DLG1: variants seen among roughly 807,000 people sequenced by gnomAD.
DLG1 encodes the protein discs large MAGUK scaffold protein 1.
DLG1 carries 42 observed loss-of-function variants against 123.4 expected under a neutral mutation model. The ratio of observed to expected loss-of-function variants is 0.34; its 90% CI spans 0.27 to 0.44. The LOEUF (loss-of-function observed/expected upper bound fraction) is 0.44, where lower values mean the gene tolerates loss of function less well. DLG1 is among the 20% of genes least tolerant of loss of function. The pLI is 1.00. For missense variants in DLG1, 942 were observed against 1,082.6 expected, an observed-to-expected ratio of 0.87 and a Z score of 1.82; for synonymous variants, 317 against 356.2, an observed-to-expected ratio of 0.89 and a Z score of 1.24.
At chr3:197,199,552 C>T (rs1054379651) in intron 4 of DLG1, among the ~76,000 whole-genome samples, 15 of 152,046 alleles carry the variant, frequency 9.9e-5, no homozygotes, top group African/African-American at 1.9e-4. Context: ...AAATCCGAAA[C>T]GCTTCTGGTC....
At chr3:197,229,381 CCTTGAGCCACTG>C (rs1446421051) in intron 4 of DLG1, among the ~76,000 whole-genome samples, 1 of 150,604 alleles carries the variant, frequency 6.6e-6, no homozygotes, top group Non-Finnish European at 1.5e-5. Flanking sequence ...TCACTTGAGC[CCTTGAGCCACTG>C]CTTGAGCTAT....
chr3:197,060,546 C>A (rs1211524956), intron 22 of DLG1, among the ~76,000 whole-genome samples: 2 of 152,202 alleles, frequency 1.3e-5, no homozygotes, highest in African/African-American at 4.8e-5. Flanking sequence ...TAAGGGCAAA[C>A]CTTTTAAATA....
intron 15 of DLG1, among the ~76,000 whole-genome samples, chr3:197,088,477 T>G (rs1755730428): frequency 6.6e-6 from 1 of 152,146 alleles, no homozygotes; most frequent in South Asian, 2.1e-4. Flanking sequence ...CCTCAAAGGG[T>G]GCCTCCCACA....
At chr3:197,198,487 CAAAAA>C (rs5855568) in intron 4 of DLG1, among the ~76,000 whole-genome samples, 1 of 109,666 alleles carries the variant, frequency 9.1e-6, no homozygotes, top group Non-Finnish European at 1.8e-5. Flanking sequence ...ACTCAGTCTC[CAAAAA>C]AAAAAAAAAA....
intron 24 of DLG1, among the ~76,000 whole-genome samples, chr3:197,046,428 C>T (rs148544387): frequency 5.3e-5 from 8 of 152,306 alleles, no homozygotes; most frequent in Admixed American, 1.3e-4. Context: ...TCATAAGTAA[C>T]GGCACAAGTA....
chr3:197,121,513 T>C (rs1236024571), intron 11 of DLG1, among the ~76,000 whole-genome samples: 1 of 152,058 alleles, frequency 6.6e-6, no homozygotes, highest in Admixed American at 6.5e-5. Flanking sequence ...ATATATACTG[T>C]AAAAAACAGG....
At chr3:197,215,988 C>T (rs1561500530) in intron 4 of DLG1, among the ~76,000 whole-genome samples, 1 of 152,062 alleles carries the variant, frequency 6.6e-6, no homozygotes, top group Non-Finnish European at 1.5e-5. Flanking sequence ...TGCAAATGAC[C>T]AAGAAACCAT....
At chr3:197,114,987 GAAAAAAAAAAAAAA>G (rs375841391) in intron 13 of DLG1, among the ~76,000 whole-genome samples, 3 of 86,076 alleles carry the variant, frequency 3.5e-5, no homozygotes, top group Admixed American at 3.0e-4. Flanking sequence ...CCATCTCAAG[GAAAAAAAAAAAAAA>G]AAAAAAAAAG....
chr3:197,116,839 T>C (rs1307106032), intron 12 of DLG1, among the ~76,000 whole-genome samples: 1 of 152,172 alleles, frequency 6.6e-6, no homozygotes, highest in African/African-American at 2.4e-5. Context: ...TCTTCAGGCT[T>C]TTTATATGAA....
chr3:197,217,630 C>T (rs1734781984), intron 4 of DLG1, among the ~76,000 whole-genome samples: 1 of 152,062 alleles, frequency 6.6e-6, no homozygotes, highest in Non-Finnish European at 1.5e-5. Context: ...CTGATACAGG[C>T]AAGGACACAG....
chr3:197,293,790 A>C (rs1776073006), intron 3 of DLG1: 1 of 153,886 alleles, frequency 6.5e-6, no homozygotes. Context: ...CAAATTAAGG[A>C]AGTGAAAAAT....
chr3:197,093,278 C>A (rs1241369571), intron 14 of DLG1, among the ~76,000 whole-genome samples: 1 of 152,124 alleles, frequency 6.6e-6, no homozygotes, highest in African/African-American at 2.4e-5. Flanking sequence ...CCTGCTTCAG[C>A]CTCCCAAGGA....
At position 197,238,124 on chromosome 3, in the gene DLG1, A is replaced by C. The variant is rs1746967455; in HGVS notation, c.319-43535T>G. 2.6e-5 allele frequency among the ~76,000 whole-genome samples: 4 copies of C among 152,182 alleles called. No homozygotes were observed. The South Asian group carries it at 8.3e-4, about 32-fold the overall frequency. Reference sequence around the variant, plus strand: ...GAGAAACCTGACTTTTACCTCCACTAAGCAGTAAGGAAGCAGTGCCCCACC... The same window carrying C: ...GAGAAACCTGACTTTTACCTCCACTCAGCAGTAAGGAAGCAGTGCCCCACC... On this transcript the variant is annotated intron_variant, in intron 4 of 24. Coordinates refer to ENST00000667157, the MANE Select transcript of DLG1 (RefSeq NM_001366207.1).
At chr3:197,288,362 C>CAAAAAAA (rs1290725400) in intron 3 of DLG1, among the ~76,000 whole-genome samples, 9 of 45,408 alleles carry the variant, frequency 2.0e-4, no homozygotes, top group East Asian at 5.6e-4. Context: ...GACTCCGTCT[C>CAAAAAAA]AAAAAAAAAA....
chr3:197,297,871 C>T (rs915547099), intron 1 of DLG1: 13 of 985,304 alleles, frequency 1.3e-5, no homozygotes, highest in African/African-American at 7.0e-5. Flanking sequence ...CTCCCCAGCC[C>T]GGCCCCGCTC....
rs768831179 is a variant in DLG1 at position 197,203,450 on chromosome 3, C to A, written c.319-8861G>T. ...TTAAATTCTAAAATTTATCTAATAG[C>A]AAATATTGTATCTCATGAATCCAGT... is the stretch of plus-strand genomic sequence containing the variant. On this transcript the variant is annotated intron_variant, in intron 4 of 24. Transcript: ENST00000667157. Among the ~76,000 whole-genome samples the A allele has an allele frequency of 9.4e-4, 142 of 151,016 alleles. 3 individuals carry two copies. The highest frequency in any genetic ancestry group is 8.0e-4 in the East Asian group (4 of 5,004).
chr3:197,076,000 G>A, intron 18 of DLG1: 1 of 578,116 alleles, frequency 1.7e-6, no homozygotes, highest in Non-Finnish European at 2.9e-6. Flanking sequence ...ATATCTTACA[G>A]AGCATTTTTA....
intron 13 of DLG1, among the ~76,000 whole-genome samples, chr3:197,111,578 A>G (rs1770016791): frequency 6.6e-6 from 1 of 152,224 alleles, no homozygotes; most frequent in Admixed American, 6.5e-5. Context: ...TGAAATGTAG[A>G]AATTTGAACA....
At chr3:197,201,031 A>C (rs1286426359) in intron 4 of DLG1, among the ~76,000 whole-genome samples, 1 of 152,240 alleles carries the variant, frequency 6.6e-6, no homozygotes, top group African/African-American at 2.4e-5. Flanking sequence ...ATTAGAAAAG[A>C]GGAAGAAGTG....
Sources: allele counts gnomAD v4.1 joint callset (sites outside exome capture counted in the v4.1 genomes callset), GRCh38; gene constraint gnomAD v4.1.1; transcripts MANE v1.5; gene names NCBI Gene and HGNC (gene_info 2026-07-23, HGNC 2026-07-21).